The following CBR4 variants were observed in gnomAD, a reference collection of about 807,000 sequenced individuals.
CBR4 encodes 3-oxoacyl-[acyl-carrier-protein] reductase.
CBR4 carries 22 observed loss-of-function variants against 21.0 expected under a neutral mutation model. The ratio of observed to expected loss-of-function variants is 1.05; its 90% CI spans 0.75 to 1.50. The LOEUF is 1.50. Among genes scored for constraint, CBR4 ranks in the 40% most tolerant of loss-of-function variants. The probability of loss-of-function intolerance (pLI) is 0.00; values close to 1 mark genes in which losing one functional copy is unlikely to be tolerated. For missense variants in CBR4, 302 were observed against 286.3 expected, an observed-to-expected ratio of 1.05 and a Z score of -0.40; for synonymous variants, 100 against 104.4, an observed-to-expected ratio of 0.96 and a Z score of 0.26.
intron 1 of CBR4, chr4:169,008,916 G>C (rs953544479): frequency 6.7e-6 from 3 of 448,382 alleles, no homozygotes; most frequent in Non-Finnish European, 1.3e-5. Context: ...ATACCAAACC[G>C]ATCAATAATG....
At chr4:168,973,990 T>C (rs1002804275) in intron 2 of CBR4, among the ~76,000 whole-genome samples, 1 of 152,202 alleles carries the variant, frequency 6.6e-6, no homozygotes, top group Non-Finnish European at 1.5e-5. Context: ...TTGGGCTTTT[T>C]TTCATTGTGT....
intron 2 of CBR4, among the ~76,000 whole-genome samples, chr4:168,965,305 C>T (rs1471037310): frequency 6.6e-6 from 1 of 152,082 alleles, no homozygotes; most frequent in African/African-American, 2.4e-5. Context: ...GAATCAATAT[C>T]GTGAAAATGG....
chr4:168,957,631 A>G (rs1763724482), intron 2 of CBR4, among the ~76,000 whole-genome samples: 1 of 151,976 alleles, frequency 6.6e-6, no homozygotes. Flanking sequence ...CCCTGCCTTC[A>G]CTCCCAGGCC....
intron 2 of CBR4, chr4:168,914,076 A>G (rs1217010881): frequency 2.9e-6 from 3 of 1,027,218 alleles, no homozygotes; most frequent in Non-Finnish European, 4.6e-6. Flanking sequence ...ATTACTATAA[A>G]TGTAGTACTA....
chr4:168,950,045 T>C (rs1003026079), intron 2 of CBR4, among the ~76,000 whole-genome samples: 2 of 152,196 alleles, frequency 1.3e-5, no homozygotes, highest in Admixed American at 6.5e-5. Context: ...ATCAGTTTAA[T>C]TTATCTTTTC....
At chr4:168,905,045 T>C (rs1320473833) in intron 2 of CBR4, among the ~76,000 whole-genome samples, 1 of 151,794 alleles carries the variant, frequency 6.6e-6, no homozygotes, top group African/African-American at 2.4e-5. Context: ...GAGAATCACT[T>C]GAACCTGGGA....
intron 4 of CBR4, among the ~76,000 whole-genome samples, chr4:168,995,186 A>T (rs74394581): frequency 0.031 from 4,700 of 152,266 alleles, 110 homozygotes; most frequent in Non-Finnish European, 0.046. Context: ...CAGTTCTTAC[A>T]TTGGTAGGTA....
intron 2 of CBR4, among the ~76,000 whole-genome samples, chr4:168,932,646 G>A (rs1306638994): frequency 1.3e-5 from 2 of 152,010 alleles, no homozygotes; most frequent in East Asian, 1.9e-4. Flanking sequence ...ATTGTCAAAA[G>A]TCAAATACAA....
At chr4:168,917,049 G>GTT (rs1190179892) in intron 2 of CBR4, among the ~76,000 whole-genome samples, 11 of 124,872 alleles carry the variant, frequency 8.8e-5, no homozygotes, top group African/African-American at 1.3e-4. Flanking sequence ...TTTTTTTGGG[G>GTT]TTTTTTTTTT....
intron 2 of CBR4, among the ~76,000 whole-genome samples, chr4:168,936,403 G>T (rs2126667655): frequency 6.6e-6 from 1 of 152,244 alleles, no homozygotes; most frequent in Middle Eastern, 3.4e-3. Context: ...CTCCTCACCA[G>T]CAAGGGAACA....
At chr4:168,913,083 C>CTCATTTTA (rs1387712320) in intron 2 of CBR4, among the ~76,000 whole-genome samples, 1 of 151,780 alleles carries the variant, frequency 6.6e-6, no homozygotes, top group Non-Finnish European at 1.5e-5. Flanking sequence ...TTACATAACA[C>CTCATTTTA]TCATTTTATC....
chr4:169,009,843 A>T, intron 1 of CBR4, 105 bp downstream of exon 1: 1 of 1,083,038 alleles, frequency 9.2e-7, no homozygotes, highest in South Asian at 1.7e-5. Context: ...TACATCGAGT[A>T]ACCCTAGAGC....
chr4:168,990,887 T>C (rs1764886164), intron 4 of CBR4, among the ~76,000 whole-genome samples: 1 of 151,986 alleles, frequency 6.6e-6, no homozygotes, highest in South Asian at 2.1e-4. Flanking sequence ...ACCCCGTCTC[T>C]ACTAAAAATA....
At chr4:168,953,023 A>G (rs1763586089) in intron 2 of CBR4, among the ~76,000 whole-genome samples, 1 of 152,058 alleles carries the variant, frequency 6.6e-6, no homozygotes, top group Non-Finnish European at 1.5e-5. Context: ...GCGGGTAGAG[A>G]AGGACTAGCA....
intron 3 of CBR4, chr4:168,894,554 A>AT (rs777923870): frequency 1.4e-5 from 21 of 1,518,976 alleles, no homozygotes; most frequent in Non-Finnish European, 1.9e-5. Flanking sequence ...CTAATTTTGT[A>AT]TTTTTTGTGA....
chr4:168,965,600 A>G (rs1169008508), intron 2 of CBR4, among the ~76,000 whole-genome samples: 1 of 152,216 alleles, frequency 6.6e-6, no homozygotes, highest in Non-Finnish European at 1.5e-5. Flanking sequence ...AACACCACAC[A>G]TCTACAACCA....
intron 2 of CBR4, among the ~76,000 whole-genome samples, chr4:168,949,751 C>CT (rs556755423): frequency 5.3e-5 from 8 of 151,856 alleles, no homozygotes; most frequent in Admixed American, 1.3e-4. Flanking sequence ...TGGTCCTGGA[C>CT]TTTTTTTTGT....
chr4:169,009,820 G>T, intron 1 of CBR4, 128 bp downstream of exon 1: 1 of 815,454 alleles, frequency 1.2e-6, no homozygotes, highest in South Asian at 1.9e-5. Context: ...ACGGGAGAGC[G>T]CCTGCACGCG....
At chr4:168,945,160 C>T (rs1265948772) in intron 2 of CBR4, among the ~76,000 whole-genome samples, 1 of 152,104 alleles carries the variant, frequency 6.6e-6, no homozygotes, top group African/African-American at 2.4e-5. Flanking sequence ...AACACTACCC[C>T]AAACCTACTG....
Sources: allele counts gnomAD v4.1 joint callset (sites outside exome capture counted in the v4.1 genomes callset), GRCh38; gene constraint gnomAD v4.1.1; transcripts MANE v1.5; gene names NCBI Gene and HGNC (gene_info 2026-07-23, HGNC 2026-07-21).